Variants in DAB1 observed in about 807,000 individuals in gnomAD.
DAB1 encodes DAB adaptor protein 1.
DAB1 carries 15 observed loss-of-function variants against 64.6 expected under a neutral mutation model. The ratio of observed to expected loss-of-function variants is 0.23; its 90% CI spans 0.16 to 0.36. The LOEUF (loss-of-function observed/expected upper bound fraction) is 0.36. Among genes scored for constraint, DAB1 ranks in the 10% least tolerant of loss-of-function variants. The pLI, the probability that DAB1 is intolerant of heterozygous loss-of-function variation, is 1.00. For missense variants in DAB1, 596 were observed against 706.7 expected, an observed-to-expected ratio of 0.84 and a Z score of 1.78; for synonymous variants, 235 against 251.9, an observed-to-expected ratio of 0.93 and a Z score of 0.64.
chr1:58,454,611 C>T (rs1645172702), intron 3 of DAB1, among the ~76,000 whole-genome samples: 1 of 152,144 alleles, frequency 6.6e-6, no homozygotes, highest in Admixed American at 6.5e-5. Flanking sequence ...GGCCACACCT[C>T]CTTGCTTTCT....
At chr1:57,527,136 C>A (rs1200453970) in intron 7 of DAB1, among the ~76,000 whole-genome samples, 1 of 152,130 alleles carries the variant, frequency 6.6e-6, no homozygotes. Context: ...TTAGTCTCTG[C>A]AAAAGCCCAC....
intron 5 of DAB1, among the ~76,000 whole-genome samples, chr1:57,910,544 T>C (rs1644626890): frequency 6.6e-6 from 1 of 152,188 alleles, no homozygotes; most frequent in South Asian, 2.1e-4. Flanking sequence ...TGATCTGTAA[T>C]CAACGGAACA....
intron 4 of DAB1, among the ~76,000 whole-genome samples, chr1:58,200,376 C>T (rs544212812): frequency 6.6e-6 from 1 of 152,328 alleles, no homozygotes; most frequent in East Asian, 1.9e-4. Flanking sequence ...CTCACCTCCT[C>T]GCTTAGTTGT....
intron 4 of DAB1, among the ~76,000 whole-genome samples, chr1:58,203,488 A>C (rs1658107125): frequency 6.6e-6 from 1 of 152,154 alleles, no homozygotes; most frequent in Admixed American, 6.5e-5. Flanking sequence ...ACACTGAAAC[A>C]TATGCTAACT....
At chr1:57,156,926 T>A (rs61765337) in intron 2 of DAB1, among the ~76,000 whole-genome samples, 17,955 of 152,152 alleles carry the variant, frequency 0.12, 1,345 homozygotes, top group East Asian at 0.4. Context: ...AGCAGAAGTC[T>A]CTGCCAATGT....
At chr1:57,875,262 C>T (rs1355451113) in intron 1 of DAB1, 1 of 152,266 alleles carries the variant, frequency 6.6e-6, no homozygotes, top group Admixed American at 6.6e-5. Context: ...CTACCTGGAG[C>T]CCTACCTCCT....
At chr1:57,164,862 G>A (rs1661080518) in intron 2 of DAB1, among the ~76,000 whole-genome samples, 1 of 152,086 alleles carries the variant, frequency 6.6e-6, no homozygotes. Flanking sequence ...ATTACAGTCA[G>A]GTCTACTCAG....
intron 1 of DAB1, among the ~76,000 whole-genome samples, chr1:57,306,250 C>T (rs1570231589): frequency 6.6e-6 from 1 of 152,252 alleles, no homozygotes; most frequent in East Asian, 1.9e-4. Flanking sequence ...ACCATACTGC[C>T]TTCATAAATT....
At chr1:57,566,240 A>C (rs1400685506) in intron 7 of DAB1, among the ~76,000 whole-genome samples, 1 of 152,256 alleles carries the variant, frequency 6.6e-6, no homozygotes, top group Non-Finnish European at 1.5e-5. Context: ...GAACAAAGAC[A>C]CAACATAGCA....
At chr1:57,517,825 T>G (rs11804717) in intron 7 of DAB1, among the ~76,000 whole-genome samples, 10,623 of 152,226 alleles carry the variant, frequency 0.07, 1,157 homozygotes, top group African/African-American at 0.23. Context: ...CATTGTTTTC[T>G]GCAGTTTCCT....
At chr1:57,655,239 A>G (rs530363231) in intron 6 of DAB1, among the ~76,000 whole-genome samples, 2 of 152,202 alleles carry the variant, frequency 1.3e-5, no homozygotes, top group South Asian at 4.2e-4. Context: ...CCGTCCATCC[A>G]TCCATTCATC....
chr1:57,617,044 C>G (rs941472085), intron 7 of DAB1, among the ~76,000 whole-genome samples: 1 of 152,190 alleles, frequency 6.6e-6, no homozygotes, highest in African/African-American at 2.4e-5. Flanking sequence ...AGGATGCTAA[C>G]TGCCTAGCCA....
intron 2 of DAB1, among the ~76,000 whole-genome samples, chr1:57,253,331 T>C (rs1272963123): frequency 1.3e-5 from 2 of 152,140 alleles, no homozygotes; most frequent in South Asian, 4.2e-4. Context: ...CTGGGAGGGA[T>C]CTAAGTCACG....
chr1:57,394,294 A>T (rs1039106254), intron 1 of DAB1, among the ~76,000 whole-genome samples: 1 of 152,230 alleles, frequency 6.6e-6, no homozygotes, highest in Non-Finnish European at 1.5e-5. Flanking sequence ...TGCTGAAGGC[A>T]GAGAGCTTCG....
intron 6 of DAB1, among the ~76,000 whole-genome samples, chr1:57,687,192 A>C (rs947646472): frequency 4.6e-5 from 7 of 152,238 alleles, no homozygotes; most frequent in Non-Finnish European, 1.0e-4. Flanking sequence ...TGACTGTAGT[A>C]AAGTTTTGGG....
At chr1:58,061,192 A>G (rs1285111169) in intron 5 of DAB1, among the ~76,000 whole-genome samples, 4 of 152,224 alleles carry the variant, frequency 2.6e-5, no homozygotes, top group Non-Finnish European at 4.4e-5. Flanking sequence ...CTTTCGAATG[A>G]AAAAGACCCA....
intron 1 of DAB1, among the ~76,000 whole-genome samples, chr1:57,353,225 T>G (rs1244968972): frequency 6.6e-6 from 1 of 151,920 alleles, no homozygotes; most frequent in African/African-American, 2.4e-5. Context: ...CCACCAACTT[T>G]CATTATCTTT....
At chr1:57,468,383 CAG>C (rs1286857623) in intron 7 of DAB1, among the ~76,000 whole-genome samples, 2 of 152,032 alleles carry the variant, frequency 1.3e-5, no homozygotes, top group Non-Finnish European at 2.9e-5. Context: ...TTGTTGGAGT[CAG>C]ACTACAGAAA....
intron 7 of DAB1, among the ~76,000 whole-genome samples, chr1:57,584,873 A>T (rs1645358421): frequency 6.6e-6 from 1 of 151,868 alleles, no homozygotes; most frequent in Admixed American, 6.6e-5. Flanking sequence ...ATGAGAGATT[A>T]GTAAGAATCC....
Sources: allele counts gnomAD v4.1 joint callset (sites outside exome capture counted in the v4.1 genomes callset), GRCh38; gene constraint gnomAD v4.1.1; transcripts MANE v1.5; gene names NCBI Gene and HGNC (gene_info 2026-07-23, HGNC 2026-07-21).